EPB41L4A: variants seen among roughly 807,000 people sequenced by gnomAD.
The protein encoded by EPB41L4A is band 4.1-like protein 4A.
EPB41L4A carries 100 observed loss-of-function variants against 108.6 expected under a neutral mutation model. That is an observed-to-expected ratio of 0.92 (90% CI 0.78 to 1.09). The LOEUF (loss-of-function observed/expected upper bound fraction) is 1.09. Ranked by LOEUF, EPB41L4A falls within the 50% of genes least tolerant of loss-of-function variation. EPB41L4A has a pLI of 0.00. For synonymous variants in EPB41L4A, 319 were observed against 289.0 expected (o/e 1.10, Z -1.05); for missense variants, 1,030 against 842.7 (o/e 1.22, Z -2.75).
chr5:112,324,428 T>A (rs912203119), intron 1 of EPB41L4A, among the ~76,000 whole-genome samples: 1 of 152,086 alleles, frequency 6.6e-6, no homozygotes, highest in East Asian at 1.9e-4. Context: ...CTGGTCAACA[T>A]GGTAAAACCC....
At chr5:112,210,011 A>G (rs1394908134) in intron 12 of EPB41L4A, 29 bp from the exon 13 acceptor site, 2 of 1,315,214 alleles carry the variant, frequency 1.5e-6, no homozygotes, top group Non-Finnish European at 2.2e-6. Flanking sequence ...GAAAGATGGA[A>G]GAGAGAGGAA....
intron 12 of EPB41L4A, among the ~76,000 whole-genome samples, chr5:112,146,330 C>T (rs1759254753): frequency 6.6e-6 from 1 of 152,194 alleles, no homozygotes; most frequent in African/African-American, 2.4e-5. Context: ...AGCTGCAATT[C>T]TCTTTCAGTG....
intron 12 of EPB41L4A, among the ~76,000 whole-genome samples, chr5:112,222,908 G>A (rs1184181948): frequency 6.7e-6 from 1 of 149,802 alleles, no homozygotes; most frequent in Non-Finnish European, 1.5e-5. Flanking sequence ...TGACCCAAGG[G>A]CCAAGCAGGG....
intron 2 of EPB41L4A, among the ~76,000 whole-genome samples, chr5:112,290,352 T>C (rs886327575): frequency 1.3e-5 from 2 of 152,196 alleles, no homozygotes; most frequent in African/African-American, 4.8e-5. Flanking sequence ...TGCCAACATA[T>C]GCCTGTCTCT....
chr5:112,275,434 CTA>C, intron 3 of EPB41L4A, 30 bp from the exon 4 acceptor site: 1 of 1,506,112 alleles, frequency 6.6e-7, no homozygotes, highest in Non-Finnish European at 8.9e-7. Context: ...TTAAATTTCA[CTA>C]AAATCATAAA....
In EPB41L4A at chr5:112,163,319, G is replaced by C. The variant is rs1043666236; in HGVS notation, c.*1671C>G. 1 of 152,164 alleles carries C rather than the reference G, an allele frequency of 6.6e-6. No homozygotes were observed. Among genetic ancestry groups the C allele is most frequent in the Non-Finnish European group, 1.5e-5 (1 of 68,048 alleles). 9.4% of individuals were successfully genotyped at this position (152,164 alleles called of 1,614,324 possible). ...GCTGGGGAGCAGCATTTAAACAGCT[G>C]AATTTTTAAATTACCTTTGAGAAAC... On this transcript the variant is annotated 3_prime_UTR_variant, in exon 23 of 23. Coordinates refer to ENST00000261486, the MANE Select transcript of EPB41L4A (RefSeq NM_022140.5).
At chr5:112,330,961 A>G (rs1756524451) in intron 1 of EPB41L4A, among the ~76,000 whole-genome samples, 1 of 152,088 alleles carries the variant, frequency 6.6e-6, no homozygotes, top group Non-Finnish European at 1.5e-5. Flanking sequence ...GACCTTACGT[A>G]TCTTGTTGAG....
intron 1 of EPB41L4A, among the ~76,000 whole-genome samples, chr5:112,408,136 G>C (rs1258568846): frequency 6.6e-6 from 1 of 152,034 alleles, no homozygotes; most frequent in Non-Finnish European, 1.5e-5. Flanking sequence ...TTTTTTATAA[G>C]GGTGCCAAGA....
chr5:112,335,540 T>G (rs1319642165), intron 1 of EPB41L4A, among the ~76,000 whole-genome samples: 1 of 152,194 alleles, frequency 6.6e-6, no homozygotes, highest in Non-Finnish European at 1.5e-5. Context: ...ATGGCCATTT[T>G]ACCAAATTAC....
rs374814626 is a variant in EPB41L4A at position 112,239,678 on chromosome 5, C to T, written c.947G>A (p.Arg316His). The T allele has an allele frequency of 1.6e-5, 26 of 1,605,836 alleles. No individual in the cohort carries two copies. The African/African-American group carries it at 2.6e-4, about 16-fold the overall frequency. ...CATTTACCTGTAGCGGTGCTTATAA[C>T]GTATGGATCCAAACTTGCTGAGTTT... ...SRKLSKFGSI[R>H]YKHRYSGRTA... The change falls in exon 11 of 23, where the codon CGT becomes CAT. Residue 316 changes from arginine to histidine, a missense_variant. Physicochemically the swap from Arg to His is conservative, Grantham distance 29. Transcript: ENST00000261486.
chr5:112,300,923 G>T (rs1290716054), intron 2 of EPB41L4A, among the ~76,000 whole-genome samples: 1 of 151,952 alleles, frequency 6.6e-6, no homozygotes, highest in Non-Finnish European at 1.5e-5. Context: ...TATTCTGCTT[G>T]TTCGAGTCTT....
chr5:112,179,351 T>G (rs550650243), intron 18 of EPB41L4A, among the ~76,000 whole-genome samples: 2 of 152,084 alleles, frequency 1.3e-5, no homozygotes, highest in South Asian at 4.1e-4. Context: ...AAATGACCAA[T>G]ATAATATTTT....
chr5:112,396,226 T>C (rs990944911), intron 1 of EPB41L4A, among the ~76,000 whole-genome samples: 1 of 152,046 alleles, frequency 6.6e-6, no homozygotes, highest in East Asian at 1.9e-4. Flanking sequence ...TGTGCACATG[T>C]ACCCAAGAAC....
rs533148342 is a variant in EPB41L4A at position 112,351,846 on chromosome 5, C to A, written c.100-44356G>T. On this transcript the variant is annotated intron_variant, in intron 1 of 22. Transcript: ENST00000261486. Reference sequence around the variant, plus strand: ...AGGCATGCAAGGATGAGTCAATAAACGCAAATCAATAAATGTGATACGTTC... The same window carrying A: ...AGGCATGCAAGGATGAGTCAATAAAAGCAAATCAATAAATGTGATACGTTC... 6.9e-4 allele frequency among the ~76,000 whole-genome samples: 105 copies of A among 152,174 alleles called. 1 individual carries two copies. Among genetic ancestry groups the A allele is most frequent in the Non-Finnish European group, 4.4e-5 (3 of 67,994 alleles).
Position 112,244,399 on chromosome 5 carries a change from G to C in EPB41L4A, c.796-3589C>G, listed in dbSNP as rs546814521. 1.0e-3 allele frequency among the ~76,000 whole-genome samples: 155 copies of C among 152,276 alleles called. 1 individual carries two copies. Among genetic ancestry groups the C allele is most frequent in the African/African-American group, 3.7e-3 (152 of 41,558 alleles). The stretch of plus-strand genomic sequence containing the variant: ...TGGGGTATATACCTTGGGGTTCATT[G>C]TCACGCATTGAGAAAGAATTCAGGT... On this transcript the variant is annotated intron_variant, in intron 9 of 22. Transcript: ENST00000261486.
At chr5:112,289,798 TC>T (rs1753534814) in intron 2 of EPB41L4A, among the ~76,000 whole-genome samples, 1 of 152,154 alleles carries the variant, frequency 6.6e-6, no homozygotes, top group Non-Finnish European at 1.5e-5. Flanking sequence ...GAGCGGGCCC[TC>T]CCAAGCCCTG....
chr5:112,371,093 T>C (rs79277954), intron 1 of EPB41L4A, among the ~76,000 whole-genome samples: 5,136 of 152,304 alleles, frequency 0.034, 151 homozygotes, highest in African/African-American at 0.078. Context: ...CCATATTATA[T>C]AATTTCTGTA....
At chr5:112,320,624 A>G (rs1302333908) in intron 1 of EPB41L4A, among the ~76,000 whole-genome samples, 1 of 152,206 alleles carries the variant, frequency 6.6e-6, no homozygotes, top group African/African-American at 2.4e-5. Context: ...CTCTGGAGAT[A>G]GAGAGGTTGA....
chr5:112,174,606 A>T (rs947367367), intron 18 of EPB41L4A, among the ~76,000 whole-genome samples: 1 of 152,178 alleles, frequency 6.6e-6, no homozygotes, highest in African/African-American at 2.4e-5. Context: ...ACATATCATA[A>T]ATCTACAAAG....
Sources: gnomAD v4.1 joint callset for allele counts (sites outside exome capture counted in the v4.1 genomes callset) on GRCh38, gnomAD v4.1.1 for gene constraint, MANE v1.5 for transcripts, NCBI Gene and HGNC (gene_info 2026-07-23, HGNC 2026-07-21) for gene names.